Variants in DISC1 observed in about 807,000 individuals in gnomAD.
DISC1 encodes the protein DISC1 scaffold protein, also known as disrupted in schizophrenia 1 protein.
DISC1 carries 57 observed loss-of-function variants against 84.5 expected under a neutral mutation model. That is an observed-to-expected ratio of 0.67 (90% CI 0.55 to 0.84). DISC1 has a LOEUF of 0.84. Ranked by LOEUF, DISC1 falls within the 40% of genes least tolerant of loss-of-function variation. DISC1 has a pLI of 0.00. For synonymous variants in DISC1, 411 were observed against 415.2 expected (o/e 0.99, Z 0.12); for missense variants, 1,000 against 1,057.8 (o/e 0.95, Z 0.76).
At chr1:231,716,908 GTGTC>G (rs2068815363) in intron 3 of DISC1, among the ~76,000 whole-genome samples, 1 of 151,982 alleles carries the variant, frequency 6.6e-6, no homozygotes, top group Non-Finnish European at 1.5e-5. Flanking sequence ...TTTTTATAAA[GTGTC>G]TGGGCACTTA....
intron 9 of DISC1, among the ~76,000 whole-genome samples, chr1:231,942,493 C>T (rs780665900): frequency 2.6e-5 from 4 of 152,162 alleles, no homozygotes; most frequent in Middle Eastern, 3.4e-3. Flanking sequence ...GGTGAAACCC[C>T]GTCTCTACTA....
At position 231,870,530 on chromosome 1, in the gene DISC1, T is replaced by C. The variant is rs186378276; in HGVS notation, c.1981+52013T>C. 3.4e-3 allele frequency among the ~76,000 whole-genome samples: 523 copies of C among 152,290 alleles called. 2 individuals carry two copies. Among genetic ancestry groups the C allele is most frequent in the Non-Finnish European group, 5.9e-3 (401 of 68,026 alleles). ...GCTGTCTGTTGGTGTTATCCTGAGC[T>C]CGTTGTGGGAAGGCGGCTGGAGCAG... is the stretch of plus-strand genomic sequence containing the variant. On this transcript the variant is annotated intron_variant, in intron 9 of 12. Coordinates refer to ENST00000439617, the MANE Select transcript of DISC1 (RefSeq NM_018662.3).
intron 9 of DISC1, among the ~76,000 whole-genome samples, chr1:231,860,514 A>G (rs895748882): frequency 4.6e-5 from 7 of 152,192 alleles, no homozygotes; most frequent in African/African-American, 1.7e-4. Context: ...CCTACATATC[A>G]AAAAATATTT....
At chr1:231,924,090 T>C (rs2090185731) in intron 9 of DISC1, among the ~76,000 whole-genome samples, 2 of 152,238 alleles carry the variant, frequency 1.3e-5, no homozygotes, top group Admixed American at 1.3e-4. Context: ...CAGTAATGAT[T>C]GAATCACAGA....
chr1:231,627,025 G>A, intron 1 of DISC1, 91 bp downstream of exon 1: 1 of 905,334 alleles, frequency 1.1e-6, no homozygotes. Flanking sequence ...CGTAGGTCAG[G>A]GCGTGCCTCT....
At chr1:231,946,449 A>G (rs1657224271) in intron 9 of DISC1, among the ~76,000 whole-genome samples, 1 of 152,236 alleles carries the variant, frequency 6.6e-6, no homozygotes, top group Non-Finnish European at 1.5e-5. Flanking sequence ...CTAGGTATCG[A>G]TGGAATGTAT....
intron 11 of DISC1, among the ~76,000 whole-genome samples, chr1:232,012,719 G>A (rs1042680736): frequency 6.6e-6 from 1 of 152,164 alleles, no homozygotes; most frequent in African/African-American, 2.4e-5. Flanking sequence ...GTGGTGATGT[G>A]CATTCTGGTG....
chr1:232,019,340 C>T (rs747249714), intron 11 of DISC1, among the ~76,000 whole-genome samples: 9 of 152,052 alleles, frequency 5.9e-5, no homozygotes, highest in Non-Finnish European at 1.0e-4. Context: ...AATGATGGGA[C>T]GGATGTTCAG....
At chr1:231,923,320 A>G (rs1287990820) in intron 9 of DISC1, among the ~76,000 whole-genome samples, 1 of 145,178 alleles carries the variant, frequency 6.9e-6, no homozygotes, top group Non-Finnish European at 1.5e-5. Flanking sequence ...AAAAAAAAAC[A>G]AAAAGAAAAA....
intron 8 of DISC1, among the ~76,000 whole-genome samples, chr1:231,803,229 A>C (rs551451037): frequency 6.6e-6 from 1 of 152,128 alleles, no homozygotes; most frequent in South Asian, 2.1e-4. Context: ...GCTTCCTTAC[A>C]ACATGGCTGC....
rs143358877 is a variant in DISC1 at position 231,696,453 on chromosome 1, A to C, written c.1047+1648A>C. On this transcript the variant is annotated intron_variant, in intron 2 of 12. Transcript: ENST00000439617. Reference sequence around the variant, plus strand: ...AGCTCTCCCTTCTGTCCATAGCTCAAATTAAATTCCTATCTTATCTCAAAT... The same window carrying C: ...AGCTCTCCCTTCTGTCCATAGCTCACATTAAATTCCTATCTTATCTCAAAT... 3.5e-3 allele frequency among the ~76,000 whole-genome samples: 528 copies of C among 152,322 alleles called. 1 individual carries two copies. The highest frequency in any genetic ancestry group is 0.012 in the African/African-American group (497 of 41,556).
intron 3 of DISC1, among the ~76,000 whole-genome samples, chr1:231,717,784 T>C (rs1024053518): frequency 1.3e-5 from 2 of 152,198 alleles, no homozygotes; most frequent in Admixed American, 6.5e-5. Context: ...CTTGTCATAG[T>C]GCGAGAATTG....
intron 9 of DISC1, among the ~76,000 whole-genome samples, chr1:231,842,325 A>G (rs988029551): frequency 6.6e-6 from 1 of 152,108 alleles, no homozygotes; most frequent in African/African-American, 2.4e-5. Context: ...CGAGGCTATT[A>G]GTTTTCTGCC....
At chr1:231,963,750 C>T (rs1180547460) in intron 10 of DISC1, among the ~76,000 whole-genome samples, 4 of 152,158 alleles carry the variant, frequency 2.6e-5, no homozygotes, top group South Asian at 2.1e-4. Context: ...CTAGGAGCTT[C>T]GGCAAGACTC....
chr1:231,761,775 G>T (rs2075684674), intron 4 of DISC1, among the ~76,000 whole-genome samples: 1 of 152,196 alleles, frequency 6.6e-6, no homozygotes, highest in Admixed American at 6.5e-5. Flanking sequence ...CAATGCAATA[G>T]AAAAGTGAAT....
intron 3 of DISC1, among the ~76,000 whole-genome samples, chr1:231,739,257 C>T (rs529191301): frequency 1.3e-5 from 2 of 152,320 alleles, no homozygotes; most frequent in Admixed American, 6.5e-5. Context: ...TTCTACCCTT[C>T]CCCCTTTCCA....
In DISC1 at chr1:231,909,752, T is replaced by C. The variant is rs185192601; in HGVS notation, c.1982-49076T>C. 1.7e-3 allele frequency among the ~76,000 whole-genome samples: 256 copies of C among 152,348 alleles called. 1 individual carries two copies. The highest frequency in any genetic ancestry group is 6.0e-3 in the African/African-American group (248 of 41,584). On this transcript the variant is annotated intron_variant, in intron 9 of 12. Coordinates refer to ENST00000439617, the MANE Select transcript of DISC1 (RefSeq NM_018662.3). Reference sequence around the variant, plus strand: ...GAATAGTTTCAGAAGGAATGGTAGGTACCAGCTCCTCTTTGTACGTCTCGT... The same window carrying C: ...GAATAGTTTCAGAAGGAATGGTAGGCACCAGCTCCTCTTTGTACGTCTCGT...
intron 1 of DISC1, among the ~76,000 whole-genome samples, chr1:231,633,018 C>T (rs989472361): frequency 1.3e-5 from 2 of 152,104 alleles, no homozygotes; most frequent in African/African-American, 4.8e-5. Flanking sequence ...TTGCAGTGAG[C>T]CAAGATCATG....
chr1:231,986,615 C>T (rs1032153335), intron 10 of DISC1, among the ~76,000 whole-genome samples: 1 of 152,116 alleles, frequency 6.6e-6, no homozygotes, highest in Non-Finnish European at 1.5e-5. Flanking sequence ...TAAATATTTG[C>T]TACAAAATGT....
Sources: allele counts gnomAD v4.1 joint callset (sites outside exome capture counted in the v4.1 genomes callset), GRCh38; gene constraint gnomAD v4.1.1; transcripts MANE v1.5; gene names NCBI Gene and HGNC (gene_info 2026-07-23, HGNC 2026-07-21).